The following TENM4 variants were observed in gnomAD, a reference collection of about 807,000 sequenced individuals.
TENM4 encodes the protein teneurin-4.
In TENM4, 82 loss-of-function variants were observed where a neutral mutation model predicts 243.3. The ratio of observed to expected loss-of-function variants is 0.34; its 90% confidence interval spans 0.28 to 0.40. The LOEUF (loss-of-function observed/expected upper bound fraction) is 0.40. Ranked by LOEUF, TENM4 falls within the 10% of genes least tolerant of loss-of-function variation. The probability of loss-of-function intolerance (pLI) is 1.00; values close to 1 mark genes in which losing one functional copy is unlikely to be tolerated. For synonymous variants in TENM4, 1,412 were observed against 1,456.3 expected (o/e 0.97, Z 0.69); for missense variants, 3,138 against 3,673.3 (o/e 0.85, Z 3.77).
intron 4 of TENM4, among the ~76,000 whole-genome samples, chr11:79,100,940 G>A (rs1011955613): frequency 1.3e-4 from 20 of 152,184 alleles, no homozygotes; most frequent in African/African-American, 4.6e-4. Flanking sequence ...ACACCAGACT[G>A]GGGTAGGGAA....
At chr11:79,144,053 T>C (rs1294600607) in intron 4 of TENM4, among the ~76,000 whole-genome samples, 1 of 152,076 alleles carries the variant, frequency 6.6e-6, no homozygotes, top group Non-Finnish European at 1.5e-5. Flanking sequence ...ACTATTCATC[T>C]GACGACGCAT....
At position 78,786,914 on chromosome 11, in the gene TENM4, G is replaced by A. The variant is rs765543408; in HGVS notation, c.2349C>T (p.Gly783=). 31 of 1,608,644 alleles carry A rather than the reference G, an allele frequency of 1.9e-5. No homozygotes were observed. The highest frequency in any genetic ancestry group is 5.3e-5 in the African/African-American group (4 of 74,868). Residue 783 remains glycine (G), a synonymous_variant, in exon 16 of 34, where the codon GGC becomes GGT. Transcript: ENST00000278550. The part of the protein sequence containing the change: ...GKCECSPGWN[G]EHCTIAHYLD... Reference sequence around the variant, plus strand: ...CCGCCATACCGATGGTGCAGTGTTCGCCATTCCAGCCAGGGCTGCACTCGC... The same window carrying A: ...CCGCCATACCGATGGTGCAGTGTTCACCATTCCAGCCAGGGCTGCACTCGC...
intron 3 of TENM4, among the ~76,000 whole-genome samples, chr11:79,177,653 C>A (rs1305752150): frequency 2.0e-5 from 3 of 152,108 alleles, no homozygotes; most frequent in Non-Finnish European, 2.9e-5. Context: ...GCGGGAATGT[C>A]TCTCTGATAA....
At chr11:79,407,089 G>C (rs530443960) in intron 1 of TENM4, among the ~76,000 whole-genome samples, 2 of 152,146 alleles carry the variant, frequency 1.3e-5, no homozygotes, top group Non-Finnish European at 2.9e-5. Context: ...TGTGTGGACT[G>C]ATCATTCACT....
At chr11:78,933,320 A>G (rs1856712609) in intron 6 of TENM4, among the ~76,000 whole-genome samples, 1 of 152,236 alleles carries the variant, frequency 6.6e-6, no homozygotes, top group African/African-American at 2.4e-5. Flanking sequence ...GCTGGGGCTC[A>G]GGAAACGGCA....
intron 16 of TENM4, among the ~76,000 whole-genome samples, chr11:78,785,590 T>C (rs1193842117): frequency 6.6e-6 from 1 of 152,132 alleles, no homozygotes; most frequent in African/African-American, 2.4e-5. Flanking sequence ...CACAGGGTGA[T>C]TGTAAGGAGG....
intron 21 of TENM4, among the ~76,000 whole-genome samples, chr11:78,731,134 G>A (rs558524720): frequency 6.6e-6 from 1 of 152,318 alleles, no homozygotes; most frequent in African/African-American, 2.4e-5. Context: ...AGGGAGCACT[G>A]TAAAGAGGGT....
intron 1 of TENM4, among the ~76,000 whole-genome samples, chr11:79,339,535 C>T (rs1477365044): frequency 6.6e-6 from 1 of 152,166 alleles, no homozygotes; most frequent in African/African-American, 2.4e-5. Flanking sequence ...ATCCCTCTCT[C>T]CCTACTATTA....
intron 2 of TENM4, among the ~76,000 whole-genome samples, chr11:79,292,247 C>G (rs1466071508): frequency 6.6e-6 from 1 of 152,170 alleles, no homozygotes; most frequent in African/African-American, 2.4e-5. Context: ...GAGCAATGCA[C>G]CAAGACCTCC....
rs552856715 is a variant in TENM4, at chr11:78,770,869, C to T, written c.2539+123G>A. On this transcript the variant is annotated intron_variant, in intron 18 of 33. Coordinates refer to ENST00000278550, the MANE Select transcript of TENM4 (RefSeq NM_001098816.3). ...CACATGTGCAGTTTTTTGCTTGCCC[C>T]GCAGGTCCCCCTGACTGGATGACTG... is the stretch of plus-strand genomic sequence containing the variant. 4.9e-5 allele frequency: 67 copies of T among 1,356,598 alleles called. 1 individual carries two copies. In the South Asian group the frequency reaches 5.3e-4, roughly 11 times the overall value. The allele number at this position is 1,356,598 out of a possible 1,614,324, so 84.0% of individuals were successfully genotyped here.
chr11:78,928,804 T>G (rs1357182970), intron 6 of TENM4, among the ~76,000 whole-genome samples: 1 of 152,248 alleles, frequency 6.6e-6, no homozygotes, highest in Non-Finnish European at 1.5e-5. Context: ...CCTGGATTGA[T>G]CTAGGTGCCA....
chr11:78,895,822 G>A (rs1855779649), intron 7 of TENM4, among the ~76,000 whole-genome samples: 1 of 152,184 alleles, frequency 6.6e-6, no homozygotes. Flanking sequence ...AGGTGAAGAT[G>A]GGATTTAAAC....
intron 19 of TENM4, among the ~76,000 whole-genome samples, chr11:78,755,003 C>T (rs553507351): frequency 5.9e-5 from 9 of 152,334 alleles, no homozygotes; most frequent in African/African-American, 2.2e-4. Flanking sequence ...GTCTGACAGA[C>T]CTGCATGTCT....
chr11:79,378,512 C>T (rs527696308), intron 1 of TENM4, among the ~76,000 whole-genome samples: 2 of 152,250 alleles, frequency 1.3e-5, no homozygotes, highest in South Asian at 2.1e-4. Context: ...AGACTGTCAC[C>T]TGGGGGCATG....
rs945336077 is a variant in TENM4 at position 79,138,330 on chromosome 11, T to A, written c.-66+10380A>T. Among the ~76,000 whole-genome samples the A allele has an allele frequency of 4.4e-3, 518 of 116,570 alleles. 7 individuals are homozygous for A. The highest frequency in any genetic ancestry group is 0.018 in the African/African-American group (499 of 28,036). 76.5% of individuals were successfully genotyped at this position (116,570 alleles called of 152,430 possible). On this transcript the variant is annotated intron_variant, in intron 4 of 33. Coordinates refer to ENST00000278550, the MANE Select transcript of TENM4 (RefSeq NM_001098816.3). ...TCCCCTTTATATATATATATATATA[T>A]TATATATATAATATATAAAAATATA...
At chr11:79,001,342 G>A (rs996935452) in intron 6 of TENM4, among the ~76,000 whole-genome samples, 1 of 152,124 alleles carries the variant, frequency 6.6e-6, no homozygotes, top group African/African-American at 2.4e-5. Flanking sequence ...GCTGAAGGCG[G>A]GGGGAAGCTG....
intron 4 of TENM4, among the ~76,000 whole-genome samples, chr11:79,147,605 A>T (rs185155042): frequency 6.6e-6 from 1 of 151,994 alleles, no homozygotes; most frequent in Non-Finnish European, 1.5e-5. Context: ...AGCACCTCCT[A>T]TCTTCTCCTC....
intron 2 of TENM4, among the ~76,000 whole-genome samples, chr11:79,226,775 A>G (rs1289841279): frequency 6.6e-6 from 1 of 152,124 alleles, no homozygotes; most frequent in Non-Finnish European, 1.5e-5. Flanking sequence ...CATTTATTCT[A>G]TTCAGGAGAC....
At chr11:79,201,895 A>G (rs967908852) in intron 3 of TENM4, among the ~76,000 whole-genome samples, 1 of 152,220 alleles carries the variant, frequency 6.6e-6, no homozygotes, top group Admixed American at 6.5e-5. Context: ...GCAGGGAGAC[A>G]CTGGGGAGGC....
Sources: gnomAD v4.1 joint callset for allele counts (sites outside exome capture counted in the v4.1 genomes callset) on GRCh38, gnomAD v4.1.1 for gene constraint, MANE v1.5 for transcripts, NCBI Gene and HGNC (gene_info 2026-07-23, HGNC 2026-07-21) for gene names.